The following DIS3L2 variants were observed in gnomAD, a reference collection of about 807,000 sequenced individuals.
The protein encoded by DIS3L2 is DIS3-like exonuclease 2.
In DIS3L2, 34 loss-of-function variants were observed where a neutral mutation model predicts 97.5. That is an observed-to-expected ratio of 0.35 (90% CI 0.27 to 0.46). DIS3L2 has a LOEUF of 0.46. Ranked by LOEUF, DIS3L2 falls within the 20% of genes least tolerant of loss-of-function variation. DIS3L2 has a pLI of 1.00. For missense variants in DIS3L2, 1,038 were observed against 1,146.0 expected (o/e 0.91, Z 1.36); for synonymous variants, 435 against 445.2 (o/e 0.98, Z 0.29).
intron 5 of DIS3L2, among the ~76,000 whole-genome samples, chr2:232,041,930 G>C (rs764686945): frequency 6.6e-6 from 1 of 152,204 alleles, no homozygotes; most frequent in Non-Finnish European, 1.5e-5. Context: ...GAATAAATCA[G>C]TCAAGTACTT....
chr2:232,043,496 G>A (rs1321989296), intron 5 of DIS3L2, among the ~76,000 whole-genome samples: 1 of 152,152 alleles, frequency 6.6e-6, no homozygotes, highest in East Asian at 1.9e-4. Context: ...ATTATGTGTT[G>A]CATTCCTGAC....
At chr2:231,962,584 G>T (rs1004611961) in intron 1 of DIS3L2, among the ~76,000 whole-genome samples, 1 of 151,898 alleles carries the variant, frequency 6.6e-6, no homozygotes, top group East Asian at 1.9e-4. Flanking sequence ...ACAGGCGCCC[G>T]CCACCCCGCC....
chr2:232,335,627 G>A, intron 19 of DIS3L2, 146 bp from the exon 20 acceptor site: 1 of 858,296 alleles, frequency 1.2e-6, no homozygotes, highest in Non-Finnish European at 1.8e-6. Context: ...GGCCTGGCAG[G>A]GCCTCCCTGA....
Position 232,175,014 on chromosome 2 carries a change from A to T in DIS3L2, c.1124+11382A>T, listed in dbSNP as rs114153858. Among the ~76,000 whole-genome samples, 3 of 151,874 alleles carry T rather than the reference A, an allele frequency of 2.0e-5. No individual in the cohort carries two copies. The East Asian group carries it at 5.8e-4, about 29-fold the overall frequency. On this transcript the variant is annotated intron_variant, in intron 9 of 20. Coordinates refer to ENST00000325385, the MANE Select transcript of DIS3L2 (RefSeq NM_152383.5). ...CAGCTAATTTTTGTATTTTTTGTGG[A>T]GATAGGGTTTTGCTGTGTTGCCCGG...
chr2:232,090,237 T>C (rs1696797727), intron 6 of DIS3L2, among the ~76,000 whole-genome samples: 1 of 152,060 alleles, frequency 6.6e-6, no homozygotes, highest in African/African-American at 2.4e-5. Flanking sequence ...GCCTGGCCCC[T>C]CCCTCTTTCT....
Position 232,210,515 on chromosome 2 carries a change from T to G in DIS3L2, c.1204+110T>G, listed in dbSNP as rs1476419055. 3 of 1,009,354 alleles carry G rather than the reference T, an allele frequency of 3.0e-6. No individual in the cohort carries two copies. The African/African-American group carries it at 4.8e-5, about 16-fold the overall frequency. The allele number at this position is 1,009,354 out of a possible 1,614,324, so 62.5% of individuals were successfully genotyped here. ...GCAGCATACTGTGCAAGGCTAGGTT[T>G]GCTTCGTGCCTGAACTTGCCATAGG... is the stretch of plus-strand genomic sequence containing the variant. On this transcript the variant is annotated intron_variant, in intron 10 of 20. Coordinates refer to ENST00000325385, the MANE Select transcript of DIS3L2 (RefSeq NM_152383.5).
chr2:232,193,779 A>T (rs1341249891), intron 9 of DIS3L2, among the ~76,000 whole-genome samples: 2 of 152,218 alleles, frequency 1.3e-5, no homozygotes, highest in African/African-American at 4.8e-5. Context: ...GGTGAAAAAC[A>T]TTCATGGCTC....
At chr2:232,327,284 C>T (rs1695605375) in intron 14 of DIS3L2, among the ~76,000 whole-genome samples, 1 of 152,232 alleles carries the variant, frequency 6.6e-6, no homozygotes, top group African/African-American at 2.4e-5. Flanking sequence ...CTGCCTCCTG[C>T]TGGCCACACT....
At chr2:232,245,869 A>G (rs1287302033) in intron 11 of DIS3L2, among the ~76,000 whole-genome samples, 2 of 152,216 alleles carry the variant, frequency 1.3e-5, no homozygotes, top group Admixed American at 1.3e-4. Context: ...CTAGTTGTTT[A>G]TGAAGTTTTT....
At chr2:232,223,523 A>G (rs1692561209) in intron 10 of DIS3L2, among the ~76,000 whole-genome samples, 1 of 152,212 alleles carries the variant, frequency 6.6e-6, no homozygotes, top group Non-Finnish European at 1.5e-5. Flanking sequence ...AGCTTTAAAA[A>G]TATTTACAGT....
intron 14 of DIS3L2, 28 bp from the exon 15 acceptor site, chr2:232,329,785 T>TCCCGGGGGGGGCCC: frequency 1.4e-4 from 138 of 967,080 alleles, no homozygotes; most frequent in Non-Finnish European, 1.7e-4. Flanking sequence ...ACCCCAGCGG[T>TCCCGGGGGGGGCCC]CCCTCCCATC....
chr2:232,129,363 GT>G lies in DIS3L2; in HGVS notation c.602-1248del, dbSNP rs1013499739. On this transcript the variant is annotated intron_variant, in intron 6 of 20. Coordinates refer to ENST00000325385, the MANE Select transcript of DIS3L2 (RefSeq NM_152383.5). ...AACAAACAGATCAACAACTTGTGTG[GT>G]TTTTTTTCTCTCTACAATTATAAAA... 1.0e-3 allele frequency among the ~76,000 whole-genome samples: 154 copies of G among 151,878 alleles called. 2 individuals carry two copies. Among genetic ancestry groups the G allele is most frequent in the Non-Finnish European group, 3.4e-4 (23 of 67,960 alleles).
chr2:232,312,720 T>C (rs1187198722), intron 14 of DIS3L2, among the ~76,000 whole-genome samples: 1 of 152,202 alleles, frequency 6.6e-6, no homozygotes, highest in Non-Finnish European at 1.5e-5. Flanking sequence ...TGATAATGAG[T>C]CTTCACAAAC....
At chr2:232,077,504 A>G (rs1167467093) in intron 5 of DIS3L2, among the ~76,000 whole-genome samples, 2 of 152,102 alleles carry the variant, frequency 1.3e-5, no homozygotes, top group African/African-American at 2.4e-5. Flanking sequence ...AATACTCCTC[A>G]GTTGATATCT....
chr2:232,194,170 A>G (rs1691687730), intron 9 of DIS3L2, among the ~76,000 whole-genome samples: 2 of 152,100 alleles, frequency 1.3e-5, no homozygotes, highest in Non-Finnish European at 2.9e-5. Context: ...TCTACTATAT[A>G]TATCTTAGTA....
chr2:232,306,014 C>G (rs1022437185), intron 14 of DIS3L2, among the ~76,000 whole-genome samples: 8 of 152,004 alleles, frequency 5.3e-5, no homozygotes, highest in Non-Finnish European at 1.2e-4. Context: ...GTTCCACATA[C>G]TGTGGGTTGT....
Position 232,145,972 on chromosome 2 carries a change from G to A in DIS3L2, c.950+9253G>A, listed in dbSNP as rs146245408. 3.2e-3 allele frequency among the ~76,000 whole-genome samples: 493 copies of A among 152,266 alleles called. 3 individuals carry two copies. Among genetic ancestry groups the A allele is most frequent in the African/African-American group, 0.011 (447 of 41,560 alleles). On this transcript the variant is annotated intron_variant, in intron 8 of 20. Transcript: ENST00000325385. ...ATGACACAGCTAGAAAGTGGCACAT[G>A]CAAGAAAGAGGATATAACCAAAGGA...
intron 1 of DIS3L2, among the ~76,000 whole-genome samples, chr2:232,002,950 A>G (rs1416725124): frequency 6.6e-6 from 1 of 152,240 alleles, no homozygotes; most frequent in East Asian, 1.9e-4. Flanking sequence ...TGGTCAAAGT[A>G]GAACATTTCT....
In DIS3L2 at chr2:232,026,848, T is replaced by TA. The variant is rs1694672681; in HGVS notation, c.264+2519dup. Among the ~76,000 whole-genome samples, 3 of 152,214 alleles carry TA rather than the reference T, an allele frequency of 2.0e-5. No individual in the cohort carries two copies. The South Asian group carries it at 6.2e-4, about 31-fold the overall frequency. On this transcript the variant is annotated intron_variant, in intron 4 of 20. Coordinates refer to ENST00000325385, the MANE Select transcript of DIS3L2 (RefSeq NM_152383.5). ...GTTCTCTTACTTAAAATTGTATTCT[T>TA]ACTACGTCATACTTAGAAATTTTTA...
Sources: gnomAD v4.1 joint callset for allele counts (sites outside exome capture counted in the v4.1 genomes callset) on GRCh38, gnomAD v4.1.1 for gene constraint, MANE v1.5 for transcripts, NCBI Gene and HGNC (gene_info 2026-07-23, HGNC 2026-07-21) for gene names.